FGF14: variants seen among roughly 807,000 people sequenced by gnomAD.
FGF14 encodes fibroblast growth factor 14.
Under a neutral mutation model 25.5 loss-of-function variants are expected in FGF14, and 5 were observed. The observed-to-expected ratio is 0.20, with a 90% CI of 0.10 to 0.41. FGF14 has a LOEUF of 0.41. Among genes scored for constraint, FGF14 ranks in the 10% least tolerant of loss-of-function variants. The probability of loss-of-function intolerance (pLI) is 1.00; values close to 1 mark genes in which losing one functional copy is unlikely to be tolerated. For missense variants in FGF14, 222 were observed against 320.1 expected, an observed-to-expected ratio of 0.69 and a Z score of 2.34; for synonymous variants, 138 against 118.3, an observed-to-expected ratio of 1.17 and a Z score of -1.08.
intron 1 of FGF14, chr13:102,292,616 A>G (rs2141272633): frequency 6.6e-6 from 1 of 152,312 alleles, no homozygotes; most frequent in East Asian, 1.9e-4. Flanking sequence ...CCAAGTCGAA[A>G]GTCAGCAAAA....
intron 1 of FGF14, among the ~76,000 whole-genome samples, chr13:102,127,934 C>T (rs908281972): frequency 2.6e-5 from 4 of 152,162 alleles, no homozygotes; most frequent in Non-Finnish European, 4.4e-5. Flanking sequence ...GGCTCACCTA[C>T]ACTTGCTCTG....
chr13:101,735,441 A>G (rs748618501), intron 3 of FGF14, among the ~76,000 whole-genome samples: 6 of 152,176 alleles, frequency 3.9e-5, no homozygotes, highest in Non-Finnish European at 8.8e-5. Flanking sequence ...CAGAGGTGAC[A>G]CGTCTCTTAG....
chr13:102,168,129 A>G (rs771983886), intron 1 of FGF14, among the ~76,000 whole-genome samples: 3 of 152,162 alleles, frequency 2.0e-5, no homozygotes, highest in Non-Finnish European at 2.9e-5. Flanking sequence ...ACTTTTCATT[A>G]AACATGAAAA....
intron 1 of FGF14, among the ~76,000 whole-genome samples, chr13:102,016,531 C>CT (rs2040356133): frequency 6.6e-6 from 1 of 152,026 alleles, no homozygotes. Flanking sequence ...TTGTACAGGT[C>CT]TTAGAACCAG....
intron 2 of FGF14, among the ~76,000 whole-genome samples, chr13:101,873,997 A>G (rs1011086253): frequency 2.0e-5 from 3 of 152,094 alleles, no homozygotes; most frequent in African/African-American, 7.2e-5. Flanking sequence ...CAACAATTAA[A>G]AAGGAATTGA....
intron 1 of FGF14, among the ~76,000 whole-genome samples, chr13:102,226,874 C>G (rs1399161302): frequency 6.6e-6 from 1 of 152,074 alleles, no homozygotes. Context: ...CTTCCTCTAC[C>G]CCCTTTTCAA....
At chr13:102,348,121 T>C (rs2057167778) in intron 1 of FGF14, among the ~76,000 whole-genome samples, 1 of 151,870 alleles carries the variant, frequency 6.6e-6, no homozygotes, top group Admixed American at 6.6e-5. Flanking sequence ...TTATGCAAAA[T>C]AATTCAAATG....
intron 1 of FGF14, among the ~76,000 whole-genome samples, chr13:102,006,975 A>C (rs1202100799): frequency 2.0e-5 from 3 of 151,028 alleles, no homozygotes; most frequent in African/African-American, 7.3e-5. Context: ...CGATCTCCTG[A>C]CCTCATGATC....
chr13:102,169,850 C>A (rs779831143), intron 1 of FGF14, among the ~76,000 whole-genome samples: 19 of 152,162 alleles, frequency 1.2e-4, no homozygotes, highest in Non-Finnish European at 2.2e-4. Context: ...CCAGCAGCCA[C>A]TGGGCACATG....
intron 1 of FGF14, among the ~76,000 whole-genome samples, chr13:102,191,012 A>T (rs570683559): frequency 5.3e-5 from 8 of 152,124 alleles, no homozygotes; most frequent in Non-Finnish European, 7.3e-5. Context: ...ACCAAAGGAG[A>T]GGGAAAAACA....
chr13:101,971,630 C>T (rs1212365449), intron 1 of FGF14, among the ~76,000 whole-genome samples: 1 of 152,122 alleles, frequency 6.6e-6, no homozygotes, highest in African/African-American at 2.4e-5. Flanking sequence ...TTTCAGCCTC[C>T]CAATATACTG....
At chr13:102,163,809 A>C (rs2140621003) in intron 1 of FGF14, among the ~76,000 whole-genome samples, 1 of 151,800 alleles carries the variant, frequency 6.6e-6, no homozygotes, top group Middle Eastern at 3.5e-3. Context: ...GCTTTAGTTC[A>C]AGGTAAAGAA....
At chr13:102,210,720 G>A (rs1301449690) in intron 1 of FGF14, among the ~76,000 whole-genome samples, 1 of 152,030 alleles carries the variant, frequency 6.6e-6, no homozygotes, top group Non-Finnish European at 1.5e-5. Flanking sequence ...TGTCAAGAAA[G>A]CATTTTAAGA....
chr13:101,772,086 T>C (rs530604222), intron 3 of FGF14, among the ~76,000 whole-genome samples: 4 of 152,104 alleles, frequency 2.6e-5, no homozygotes, highest in African/African-American at 7.2e-5. Context: ...CAGGAGGACA[T>C]TGGGGAGGCT....
intron 1 of FGF14, among the ~76,000 whole-genome samples, chr13:101,877,458 A>G (rs1315024792): frequency 6.6e-6 from 1 of 152,138 alleles, no homozygotes. Flanking sequence ...AGAAATCGAG[A>G]CACAGAGCAA....
intron 1 of FGF14, among the ~76,000 whole-genome samples, chr13:102,142,062 TAATAA>T (rs2046665382): frequency 6.6e-6 from 1 of 152,058 alleles, no homozygotes; most frequent in South Asian, 2.1e-4. Context: ...TAGACACAAA[TAATAA>T]AAATTAAATG....
intron 1 of FGF14, among the ~76,000 whole-genome samples, chr13:102,146,159 GA>G (rs1396185382): frequency 1.3e-5 from 2 of 152,084 alleles, no homozygotes; most frequent in Admixed American, 1.3e-4. Flanking sequence ...GTCAGTTGGG[GA>G]AAAAAAGTTT....
At chr13:102,167,356 C>T (rs1314995452) in intron 1 of FGF14, among the ~76,000 whole-genome samples, 1 of 148,030 alleles carries the variant, frequency 6.8e-6, no homozygotes, top group Admixed American at 6.7e-5. Flanking sequence ...CCTCAGGTTG[C>T]GTCTATTGAG....
rs972753744 is a variant in FGF14 at position 102,400,807 on chromosome 13, G to A, written c.208+664C>T. The stretch of plus-strand genomic sequence containing the variant: ...GGACTTCAATTACAAATATTAGAGG[G>A]GCTGGGCTTGTCCTCTCAGTCTGGG... On this transcript the variant is annotated intron_variant, in intron 1 of 4. Transcript: ENST00000376131. The surrounding 1 kb of genome is among the most constrained non-coding windows in gnomAD (Gnocchi z 4.3). Among the ~76,000 whole-genome samples, 1 of 152,032 alleles carries A rather than the reference G, an allele frequency of 6.6e-6. No homozygotes were observed. Among genetic ancestry groups the A allele is most frequent in the Admixed American group, 6.5e-5 (1 of 15,276 alleles).
Sources: allele counts gnomAD v4.1 joint callset (sites outside exome capture counted in the v4.1 genomes callset), GRCh38; gene constraint gnomAD v4.1.1; non-coding constraint Gnocchi (gnomAD v3.1); transcripts MANE v1.5; gene names NCBI Gene and HGNC (gene_info 2026-07-23, HGNC 2026-07-21).